Variants in CDH12 observed in about 807,000 individuals in gnomAD.
CDH12 encodes the protein cadherin-12.
Under a neutral mutation model 74.1 loss-of-function variants are expected in CDH12, and 41 were observed. That is an observed-to-expected ratio of 0.55 (90% CI 0.43 to 0.72). CDH12 has a LOEUF of 0.72. Among genes scored for constraint, CDH12 ranks in the 30% least tolerant of loss-of-function variants. The pLI, the probability that CDH12 is intolerant of heterozygous loss-of-function variation, is 0.00. For synonymous variants in CDH12, 399 were observed against 355.0 expected (o/e 1.12, Z -1.39); for missense variants, 945 against 977.2 (o/e 0.97, Z 0.44).
intron 4 of CDH12, among the ~76,000 whole-genome samples, chr5:22,162,884 CCTCT>C (rs1748441694): frequency 7.2e-6 from 1 of 138,816 alleles, no homozygotes; most frequent in African/African-American, 2.6e-5. Flanking sequence ...CTTTCTCTTC[CCTCT>C]GACTTTTTTT....
At chr5:21,865,248 C>T (rs376297029) in intron 6 of CDH12, among the ~76,000 whole-genome samples, 12 of 152,102 alleles carry the variant, frequency 7.9e-5, no homozygotes, top group African/African-American at 2.9e-4. Flanking sequence ...GATTTAAAGA[C>T]AGAACTTAAA....
intron 6 of CDH12, among the ~76,000 whole-genome samples, chr5:21,944,918 A>T (rs1755502271): frequency 6.6e-6 from 1 of 152,168 alleles, no homozygotes; most frequent in South Asian, 2.1e-4. Flanking sequence ...ATAGGATGGT[A>T]TTAGTAGGTC....
intron 1 of CDH12, among the ~76,000 whole-genome samples, chr5:22,632,973 G>C (rs1738662300): frequency 1.3e-5 from 2 of 151,962 alleles, no homozygotes; most frequent in Non-Finnish European, 2.9e-5. Flanking sequence ...ATTCTAAACT[G>C]GTCACATACA....
intron 6 of CDH12, among the ~76,000 whole-genome samples, chr5:21,968,979 G>A (rs1007283705): frequency 6.6e-6 from 1 of 151,916 alleles, no homozygotes; most frequent in African/African-American, 2.4e-5. Context: ...GGCTTGATGG[G>A]GGGTGGAGGG....
chr5:21,923,415 A>T (rs1754447279), intron 6 of CDH12, among the ~76,000 whole-genome samples: 1 of 152,114 alleles, frequency 6.6e-6, no homozygotes, highest in African/African-American at 2.4e-5. Context: ...AATTACACTG[A>T]CCTGAGATCT....
intron 1 of CDH12, among the ~76,000 whole-genome samples, chr5:22,710,888 G>A (rs1239329144): frequency 6.6e-6 from 1 of 151,916 alleles, no homozygotes; most frequent in East Asian, 1.9e-4. Context: ...TTCTTGTGAG[G>A]GTTCAAAATA....
At chr5:22,476,475 C>G (rs1746177011) in intron 2 of CDH12, among the ~76,000 whole-genome samples, 1 of 152,034 alleles carries the variant, frequency 6.6e-6, no homozygotes, top group South Asian at 2.1e-4. Flanking sequence ...GTGCAGTAAT[C>G]AGGTCTCCTC....
chr5:21,916,620 T>A (rs572432648), intron 6 of CDH12, among the ~76,000 whole-genome samples: 1 of 152,188 alleles, frequency 6.6e-6, no homozygotes, highest in South Asian at 2.1e-4. Context: ...CCCTTTCTCC[T>A]CCCCTAGTAA....
intron 3 of CDH12, among the ~76,000 whole-genome samples, chr5:22,382,252 AT>A (rs996872661): frequency 2.7e-5 from 4 of 146,606 alleles, no homozygotes; most frequent in Non-Finnish European, 4.5e-5. Context: ...AATATGTAAT[AT>A]TTTTATAGAA....
At chr5:22,088,457 G>A (rs1236690392) in intron 4 of CDH12, among the ~76,000 whole-genome samples, 6 of 151,996 alleles carry the variant, frequency 3.9e-5, no homozygotes, top group Non-Finnish European at 7.4e-5. Flanking sequence ...ACATTCGTAG[G>A]GGTAAATGAG....
chr5:22,378,190 T>C (rs962478087), intron 3 of CDH12, among the ~76,000 whole-genome samples: 1 of 152,122 alleles, frequency 6.6e-6, no homozygotes, highest in African/African-American at 2.4e-5. Flanking sequence ...ACAGAATCAG[T>C]TGCTATTCCA....
chr5:22,727,750 T>A (rs958120874), intron 1 of CDH12, among the ~76,000 whole-genome samples: 1 of 151,768 alleles, frequency 6.6e-6, no homozygotes, highest in African/African-American at 2.4e-5. Context: ...AATCGTTTAT[T>A]TCATCACATT....
At chr5:22,440,686 C>A (rs983021864) in intron 2 of CDH12, among the ~76,000 whole-genome samples, 7 of 152,040 alleles carry the variant, frequency 4.6e-5, no homozygotes, top group African/African-American at 1.7e-4. Context: ...GGTTCCTGTC[C>A]TCATGTCATT....
chr5:22,181,624 T>A (rs1328088665), intron 4 of CDH12, among the ~76,000 whole-genome samples: 2 of 152,196 alleles, frequency 1.3e-5, no homozygotes, highest in Admixed American at 1.3e-4. Flanking sequence ...CACTTAACAA[T>A]TTCCAAATAC....
intron 2 of CDH12, among the ~76,000 whole-genome samples, chr5:22,460,922 T>C (rs1447140356): frequency 6.6e-6 from 1 of 151,086 alleles, no homozygotes; most frequent in Non-Finnish European, 1.5e-5. Flanking sequence ...GGTTTCACCA[T>C]GTTGGTCAGC....
chr5:21,967,911 G>A (rs532852867), intron 6 of CDH12, among the ~76,000 whole-genome samples: 277 of 152,252 alleles, frequency 1.8e-3, no homozygotes, highest in African/African-American at 6.5e-3. Context: ...GTGTTAAAGC[G>A]ACTCAGCAGA....
intron 1 of CDH12, among the ~76,000 whole-genome samples, chr5:22,514,317 A>G (rs771316880): frequency 6.6e-6 from 1 of 152,130 alleles, no homozygotes; most frequent in Non-Finnish European, 1.5e-5. Flanking sequence ...ACACATAAAC[A>G]TATTTTTAAG....
intron 5 of CDH12, among the ~76,000 whole-genome samples, chr5:21,996,168 C>T (rs1292124151): frequency 7.7e-6 from 1 of 129,556 alleles, no homozygotes; most frequent in Non-Finnish European, 1.6e-5. Flanking sequence ...ATGTCTTTCT[C>T]GTACTAGAAC....
At chr5:22,304,017 C>G (rs1580501800) in intron 3 of CDH12, among the ~76,000 whole-genome samples, 1 of 152,108 alleles carries the variant, frequency 6.6e-6, no homozygotes, top group Admixed American at 6.5e-5. Context: ...AGTATTCAAA[C>G]CACCCACCCT....
Sources: allele counts gnomAD v4.1 joint callset (sites outside exome capture counted in the v4.1 genomes callset), GRCh38; gene constraint gnomAD v4.1.1; transcripts MANE v1.5; gene names NCBI Gene and HGNC (gene_info 2026-07-23, HGNC 2026-07-21).